Variants in KCNK10 observed in about 807,000 individuals in gnomAD.
KCNK10 encodes potassium channel subfamily K member 10.
In KCNK10, 25 loss-of-function variants were observed where a neutral mutation model predicts 47.7. The observed-to-expected ratio is 0.52, with a 90% CI of 0.38 to 0.73. The LOEUF is 0.73. KCNK10 is among the 30% of genes least tolerant of loss of function. KCNK10 has a pLI of 0.00. For synonymous variants in KCNK10, 303 were observed against 285.6 expected (o/e 1.06, Z -0.61); for missense variants, 563 against 714.5 (o/e 0.79, Z 2.42).
At position 88,183,092 on chromosome 14, in the gene KCNK10, C is replaced by T. The variant is rs556254362; in HGVS notation, c.*2443G>A. On this transcript the variant is annotated 3_prime_UTR_variant, in exon 7 of 7. Coordinates refer to ENST00000319231, the MANE Select transcript of KCNK10 (RefSeq NM_138317.3). ...CAATCACAAGGATGCATGACACAGA[C>T]ACTGTAGTGAAGTTGAAAGCAGACT... 2.0e-5 allele frequency: 3 copies of T among 152,494 alleles called. No homozygotes were observed. Among genetic ancestry groups the T allele is most frequent in the Non-Finnish European group, 4.4e-5 (3 of 68,046 alleles). The allele number at this position is 152,494 out of a possible 1,614,324, so 9.4% of individuals were successfully genotyped here.
chr14:88,240,188 C>CA (rs1011360583), intron 3 of KCNK10, among the ~76,000 whole-genome samples: 2 of 151,504 alleles, frequency 1.3e-5, no homozygotes, highest in South Asian at 2.1e-4. Flanking sequence ...AATGGAAAGT[C>CA]AAAAAAAATC....
intron 4 of KCNK10, among the ~76,000 whole-genome samples, chr14:88,227,116 A>T (rs187938901): frequency 2.1e-3 from 324 of 152,334 alleles, no homozygotes; most frequent in African/African-American, 7.0e-3. Context: ...CTCTTCAAAA[A>T]ATCTGTGTTG....
At chr14:88,201,566 A>C (rs1285548412) in intron 4 of KCNK10, among the ~76,000 whole-genome samples, 1 of 152,102 alleles carries the variant, frequency 6.6e-6, no homozygotes, top group East Asian at 1.9e-4. Flanking sequence ...AGGCTGAGGC[A>C]GGGGAATCGC....
At chr14:88,256,990 A>C (rs1180792585) in intron 2 of KCNK10, among the ~76,000 whole-genome samples, 1 of 152,206 alleles carries the variant, frequency 6.6e-6, no homozygotes, top group African/African-American at 2.4e-5. Context: ...TATAGGATTT[A>C]ACGTGGGGAG....
chr14:88,245,768 C>T (rs759066951), intron 2 of KCNK10, among the ~76,000 whole-genome samples: 27 of 152,182 alleles, frequency 1.8e-4, no homozygotes, highest in Non-Finnish European at 3.5e-4. Flanking sequence ...TATGCATGGA[C>T]GCTAATAGCT....
Position 88,310,240 on chromosome 14 carries a change from TAAATGATATG to T in KCNK10, c.52+12497_52+12506del, listed in dbSNP as rs751940612. 1.1e-3 allele frequency among the ~76,000 whole-genome samples: 158 copies of T among 143,366 alleles called. 2 individuals carry two copies. Among genetic ancestry groups the T allele is most frequent in the African/African-American group, 4.0e-3 (148 of 37,454 alleles). 94.1% of individuals were successfully genotyped at this position (143,366 alleles called of 152,430 possible). A position where few individuals can be genotyped will look rare whatever the true frequency, so the allele number is the denominator to read the frequency against. Reference sequence around the variant, plus strand: ...ATCATATGGTATATGATATACCATATAAATGATATGCATTTATCATGGTATATCATAATTA... The same window carrying T: ...ATCATATGGTATATGATATACCATATCATTTATCATGGTATATCATAATTA... On this transcript the variant is annotated intron_variant, in intron 1 of 6. Coordinates refer to ENST00000319231, the MANE Select transcript of KCNK10 (RefSeq NM_138317.3).
intron 1 of KCNK10, among the ~76,000 whole-genome samples, chr14:88,297,905 G>T (rs1231151234): frequency 6.6e-6 from 1 of 152,180 alleles, no homozygotes; most frequent in Non-Finnish European, 1.5e-5. Context: ...AATTTCCAGT[G>T]GGCCACCCTT....
At chr14:88,253,948 A>G (rs1045699113) in intron 2 of KCNK10, among the ~76,000 whole-genome samples, 1 of 152,154 alleles carries the variant, frequency 6.6e-6, no homozygotes, top group African/African-American at 2.4e-5. Flanking sequence ...AACCAATGGT[A>G]AAGTTTCTGT....
chr14:88,323,736 C>T, upstream of KCNK10: 1 of 152,318 alleles, frequency 6.6e-6, no homozygotes, highest in Non-Finnish European at 1.5e-5. Flanking sequence ...GCCTGGAAGG[C>T]GCTGCAGGAG....
In KCNK10 at chr14:88,181,810, T is replaced by G. The variant is rs1884369819; in HGVS notation, c.*3725A>C. 1 of 152,248 alleles carries G rather than the reference T, an allele frequency of 6.6e-6. No homozygotes were observed. Among genetic ancestry groups the G allele is most frequent in the Non-Finnish European group, 1.5e-5 (1 of 68,028 alleles). The allele number at this position is 152,248 out of a possible 1,614,324, so 9.4% of individuals were successfully genotyped here. Reference sequence around the variant, plus strand: ...AACTTATAATTTAATCTTAATAAATTTTGTGAACTCATGGACTAGGGAGTG... The same window carrying G: ...AACTTATAATTTAATCTTAATAAATGTTGTGAACTCATGGACTAGGGAGTG... On this transcript the variant is annotated 3_prime_UTR_variant, in exon 7 of 7. Coordinates refer to ENST00000319231, the MANE Select transcript of KCNK10 (RefSeq NM_138317.3).
chr14:88,193,511 T>G (rs1027992862), intron 4 of KCNK10, among the ~76,000 whole-genome samples: 3 of 152,184 alleles, frequency 2.0e-5, no homozygotes, highest in Non-Finnish European at 4.4e-5. Flanking sequence ...TATACTAGCA[T>G]AAATATATGA....
chr14:88,191,380 C>A (rs1197633092), intron 5 of KCNK10, among the ~76,000 whole-genome samples: 2 of 151,182 alleles, frequency 1.3e-5, no homozygotes, highest in East Asian at 3.9e-4. Flanking sequence ...CCAGACATTT[C>A]AAACTTGTGA....
chr14:88,214,587 C>A (rs1885560972), intron 4 of KCNK10, among the ~76,000 whole-genome samples: 1 of 152,138 alleles, frequency 6.6e-6, no homozygotes, highest in Non-Finnish European at 1.5e-5. Flanking sequence ...AGAATATAAA[C>A]CCATCTTTGT....
At chr14:88,279,911 G>A (rs1887611933) in intron 1 of KCNK10, among the ~76,000 whole-genome samples, 1 of 148,962 alleles carries the variant, frequency 6.7e-6, no homozygotes, top group East Asian at 1.9e-4. Context: ...GGTTTATCAG[G>A]GGTTTCCACT....
At chr14:88,285,257 G>A (rs575347304) in intron 1 of KCNK10, among the ~76,000 whole-genome samples, 18 of 152,020 alleles carry the variant, frequency 1.2e-4, no homozygotes, top group South Asian at 4.2e-4. Context: ...GATTACAGGC[G>A]CGCACCACCA....
intron 3 of KCNK10, chr14:88,235,287 G>C (rs1441489484): frequency 6.6e-6 from 3 of 455,054 alleles, no homozygotes; most frequent in Non-Finnish European, 1.3e-5. Flanking sequence ...CCTGGGGCCA[G>C]GTATTTTAAA....
intron 4 of KCNK10, among the ~76,000 whole-genome samples, chr14:88,198,640 T>C (rs1200667279): frequency 6.6e-6 from 1 of 152,140 alleles, no homozygotes; most frequent in African/African-American, 2.4e-5. Flanking sequence ...ATGCTCATTT[T>C]CCGCCCCAGT....
rs757326721 is a variant in KCNK10, at chr14:88,263,339, C to A, written c.265G>T (p.Val89Phe). The A allele has an allele frequency of 6.2e-7, 1 of 1,613,940 alleles. No individual in the cohort carries two copies. Among genetic ancestry groups the A allele is most frequent in the South Asian group, 1.1e-5 (1 of 91,090 alleles). The change falls in exon 2 of 7, where the codon GTC (valine) becomes TTC (phenylalanine). Residue 89 changes from valine to phenylalanine, a missense_variant. Val to Phe is a conservative substitution (Grantham distance 50, BLOSUM62 -1). Transcript: ENST00000319231. ...GCCCGGAAGACAAGACCGCCAGTGA[C>A]AAGGTAGACCACCACAACCACAAAG... ...AIFVVVVVYLVTGGLVFRALE... is the reference protein window; with the variant it reads ...AIFVVVVVYLFTGGLVFRALE...
intron 4 of KCNK10, among the ~76,000 whole-genome samples, chr14:88,196,349 T>A (rs2139832566): frequency 6.6e-6 from 1 of 152,364 alleles, no homozygotes; most frequent in African/African-American, 2.4e-5. Flanking sequence ...ATGTATGGAC[T>A]GACAATTCGG....
Sources: allele counts gnomAD v4.1 joint callset (sites outside exome capture counted in the v4.1 genomes callset), GRCh38; gene constraint gnomAD v4.1.1; transcripts MANE v1.5; gene names NCBI Gene and HGNC (gene_info 2026-07-23, HGNC 2026-07-21).